The following KCNIP4 variants were observed in gnomAD, a reference collection of about 807,000 sequenced individuals.
KCNIP4 encodes the protein Kv channel-interacting protein 4.
KCNIP4 carries 12 observed loss-of-function variants against 34.0 expected under a neutral mutation model. That is an observed-to-expected ratio of 0.35 (90% CI 0.23 to 0.57). The LOEUF is 0.57. Among genes scored for constraint, KCNIP4 ranks in the 20% least tolerant of loss-of-function variants. The probability of loss-of-function intolerance (pLI) is 0.83; values close to 1 mark genes in which losing one functional copy is unlikely to be tolerated. For missense variants in KCNIP4, 238 were observed against 311.7 expected (o/e 0.76, Z 1.78); for synonymous variants, 124 against 102.2 (o/e 1.21, Z -1.29).
Position 21,234,001 on chromosome 4 carries a change from T to C in KCNIP4, c.62-351292A>G, listed in dbSNP as rs1467410169. ...CATATATAACATATAACATGTATAATATATAACATATATAACATATATTAT... is the reference window on the plus strand; with the variant it reads ...CATATATAACATATAACATGTATAACATATAACATATATAACATATATTAT... On this transcript the variant is annotated intron_variant, in intron 1 of 8. Coordinates refer to ENST00000382152, the MANE Select transcript of KCNIP4 (RefSeq NM_025221.6). Among the ~76,000 whole-genome samples the C allele has an allele frequency of 1.0e-3, 125 of 123,508 alleles. 3 individuals are homozygous for C. Among genetic ancestry groups the C allele is most frequent in the African/African-American group, 3.6e-3 (110 of 30,824 alleles). 81.0% of individuals were successfully genotyped at this position (123,508 alleles called of 152,430 possible). A position where few individuals can be genotyped will look rare whatever the true frequency, so the allele number is the denominator to read the frequency against.
At chr4:21,498,331 T>C (rs963134014) in intron 1 of KCNIP4, among the ~76,000 whole-genome samples, 18 of 152,178 alleles carry the variant, frequency 1.2e-4, no homozygotes, top group Non-Finnish European at 1.9e-4. Flanking sequence ...GTTAAATATG[T>C]GCCTCACAAC....
At chr4:20,996,562 T>G (rs1297770679) in intron 1 of KCNIP4, among the ~76,000 whole-genome samples, 1 of 152,196 alleles carries the variant, frequency 6.6e-6, no homozygotes, top group Non-Finnish European at 1.5e-5. Context: ...GATTGTCCCC[T>G]TATTTCTTAG....
At chr4:21,464,634 T>C (rs1263080327) in intron 1 of KCNIP4, 3 of 152,122 alleles carry the variant, frequency 2.0e-5, no homozygotes, top group Non-Finnish European at 2.9e-5. Context: ...ATGTTCCATA[T>C]GTACTTGAAA....
chr4:21,166,641 C>T (rs530934329), intron 1 of KCNIP4, among the ~76,000 whole-genome samples: 1 of 152,010 alleles, frequency 6.6e-6, no homozygotes, highest in Non-Finnish European at 1.5e-5. Context: ...AAATGCCCAA[C>T]AAGAAGTGAG....
intron 1 of KCNIP4, among the ~76,000 whole-genome samples, chr4:21,143,846 G>T (rs1353206542): frequency 6.6e-6 from 1 of 150,850 alleles, no homozygotes; most frequent in Non-Finnish European, 1.5e-5. Context: ...GGGATTACAG[G>T]CACCCACCAC....
intron 1 of KCNIP4, among the ~76,000 whole-genome samples, chr4:21,228,154 G>A (rs1758537682): frequency 2.6e-5 from 4 of 152,098 alleles, no homozygotes; most frequent in Admixed American, 1.3e-4. Context: ...ATCTCATCTT[G>A]AATTTTAACC....
At chr4:20,750,563 T>A (rs977112562) in intron 4 of KCNIP4, among the ~76,000 whole-genome samples, 3 of 152,154 alleles carry the variant, frequency 2.0e-5, no homozygotes, top group Admixed American at 1.3e-4. Context: ...ATTCTTCCCC[T>A]CTCATTTTTC....
At chr4:21,802,984 A>T (rs1721089978) in intron 1 of KCNIP4, among the ~76,000 whole-genome samples, 1 of 152,126 alleles carries the variant, frequency 6.6e-6, no homozygotes, top group Non-Finnish European at 1.5e-5. Flanking sequence ...ATTTCCTTAT[A>T]TCAATTCCTG....
intron 1 of KCNIP4, among the ~76,000 whole-genome samples, chr4:21,633,117 A>G: frequency 6.6e-6 from 1 of 152,182 alleles, no homozygotes; most frequent in East Asian, 1.9e-4. Flanking sequence ...AAGCTCCCTC[A>G]CAAAAATCTT....
At chr4:21,186,063 G>T (rs1436329805) in intron 1 of KCNIP4, among the ~76,000 whole-genome samples, 1 of 152,048 alleles carries the variant, frequency 6.6e-6, no homozygotes, top group Non-Finnish European at 1.5e-5. Context: ...TTATTTCCAG[G>T]TGAATAGCTG....
chr4:21,250,903 T>C (rs547772831), intron 1 of KCNIP4, among the ~76,000 whole-genome samples: 1 of 150,432 alleles, frequency 6.6e-6, no homozygotes, highest in Non-Finnish European at 1.5e-5. Context: ...TACTCATATA[T>C]GTTTCTATAT....
At chr4:20,999,833 T>C (rs1737941427) in intron 1 of KCNIP4, among the ~76,000 whole-genome samples, 1 of 152,084 alleles carries the variant, frequency 6.6e-6, no homozygotes, top group African/African-American at 2.4e-5. Context: ...TTTGCAAAAC[T>C]AATTACAGTA....
At chr4:21,139,980 T>G (rs140702341) in intron 1 of KCNIP4, among the ~76,000 whole-genome samples, 2 of 152,290 alleles carry the variant, frequency 1.3e-5, no homozygotes, top group African/African-American at 2.4e-5. Context: ...CACTGGGCTA[T>G]GTATCAAGTC....
intron 1 of KCNIP4, among the ~76,000 whole-genome samples, chr4:21,233,167 A>T (rs2109024705): frequency 6.6e-6 from 1 of 152,244 alleles, no homozygotes; most frequent in African/African-American, 2.4e-5. Flanking sequence ...ATAAGCAAAG[A>T]TCAAGTAAGA....
At chr4:21,922,878 A>G (rs1476481960) in intron 1 of KCNIP4, among the ~76,000 whole-genome samples, 1 of 152,212 alleles carries the variant, frequency 6.6e-6, no homozygotes, top group East Asian at 1.9e-4. Flanking sequence ...GCCCTCCAAA[A>G]TCACAATTAC....
chr4:21,326,911 A>C (rs1482860006), intron 1 of KCNIP4, among the ~76,000 whole-genome samples: 1 of 152,030 alleles, frequency 6.6e-6, no homozygotes, highest in African/African-American at 2.4e-5. Context: ...GCAAACAAAC[A>C]AGCAAAGAGA....
intron 1 of KCNIP4, among the ~76,000 whole-genome samples, chr4:21,370,935 G>T (rs1273790835): frequency 3.2e-5 from 4 of 125,690 alleles, no homozygotes; most frequent in Admixed American, 2.3e-4. Context: ...AACTAGCAAT[G>T]CAAGAGAGGA....
intron 3 of KCNIP4, among the ~76,000 whole-genome samples, chr4:20,848,489 A>C (rs1264907434): frequency 6.9e-6 from 1 of 144,406 alleles, no homozygotes; most frequent in Non-Finnish European, 1.5e-5. Context: ...ATGGGCAACA[A>C]AAAAAAACAT....
intron 1 of KCNIP4, among the ~76,000 whole-genome samples, chr4:21,111,340 C>T (rs73103628): frequency 0.029 from 4,453 of 152,272 alleles, 228 homozygotes; most frequent in African/African-American, 0.1. Context: ...TTTATCTGCA[C>T]TTTACCCTTA....
Sources: allele counts gnomAD v4.1 joint callset (sites outside exome capture counted in the v4.1 genomes callset), GRCh38; gene constraint gnomAD v4.1.1; transcripts MANE v1.5; gene names NCBI Gene and HGNC (gene_info 2026-07-23, HGNC 2026-07-21).